Variants in RPS6KC1 observed in about 807,000 individuals in gnomAD.
RPS6KC1 encodes the protein inactive ribosomal protein S6 kinase delta-1.
RPS6KC1 carries 54 observed loss-of-function variants against 103.8 expected under a neutral mutation model. That is an observed-to-expected ratio of 0.52 (90% CI 0.42 to 0.65). The LOEUF is 0.65. Among genes scored for constraint, RPS6KC1 ranks in the 30% least tolerant of loss-of-function variants. RPS6KC1 has a pLI of 0.00. For missense variants in RPS6KC1, 1,151 were observed against 1,253.8 expected, an observed-to-expected ratio of 0.92 and a Z score of 1.24; for synonymous variants, 439 against 438.7, an observed-to-expected ratio of 1.00 and a Z score of -0.01.
At chr1:213,492,125 G>A in the RPS6KC1 span, among the ~76,000 whole-genome samples, 3 of 152,154 alleles carry the variant, frequency 2.0e-5, no homozygotes, top group South Asian at 2.1e-4. Context: ...ATAGGGGTTC[G>A]GCATGACACC....
At chr1:213,098,171 A>G (rs917000390) in intron 3 of RPS6KC1, among the ~76,000 whole-genome samples, 5 of 152,046 alleles carry the variant, frequency 3.3e-5, no homozygotes, top group Admixed American at 6.6e-5. Context: ...GCTGGAGTGT[A>G]GTGATGCGAT....
At chr1:213,723,994 G>A in the RPS6KC1 span, among the ~76,000 whole-genome samples, 7 of 152,234 alleles carry the variant, frequency 4.6e-5, no homozygotes, top group African/African-American at 1.7e-4. Context: ...GCAGGAATGA[G>A]TGAAATTGCC....
the RPS6KC1 span, among the ~76,000 whole-genome samples, chr1:213,445,386 T>C: frequency 2.6e-5 from 4 of 152,316 alleles, no homozygotes; most frequent in Middle Eastern, 0.01. Context: ...ACTTTATTTT[T>C]AAGAACCAGA....
At chr1:213,437,143 G>A in the RPS6KC1 span, among the ~76,000 whole-genome samples, 4 of 151,964 alleles carry the variant, frequency 2.6e-5, no homozygotes, top group East Asian at 3.8e-4. Context: ...ATAATTTTTC[G>A]AAGATCCCCT....
chr1:213,231,949 C>T (rs887097838), intron 9 of RPS6KC1, among the ~76,000 whole-genome samples, 174 bp from the exon 10 acceptor site: 11 of 152,190 alleles, frequency 7.2e-5, no homozygotes, highest in South Asian at 4.1e-4. Context: ...ACGCCAGATG[C>T]CATCAGCAGA....
At chr1:213,540,353 T>G in the RPS6KC1 span, among the ~76,000 whole-genome samples, 2 of 152,146 alleles carry the variant, frequency 1.3e-5, no homozygotes, top group Non-Finnish European at 2.9e-5. Context: ...ATTGATTGAT[T>G]GATTGATTGA....
At chr1:213,182,585 C>T (rs944099189) in intron 8 of RPS6KC1, among the ~76,000 whole-genome samples, 2 of 151,612 alleles carry the variant, frequency 1.3e-5, no homozygotes, top group Admixed American at 6.6e-5. Flanking sequence ...ACAGAGAGAA[C>T]AAACAGAACG....
intron 12 of RPS6KC1, among the ~76,000 whole-genome samples, chr1:213,255,051 A>G (rs987402878): frequency 1.3e-5 from 2 of 152,106 alleles, no homozygotes; most frequent in African/African-American, 4.8e-5. Context: ...CTGTAATTCC[A>G]GCATTTTGTG....
At chr1:213,291,102 A>C in the RPS6KC1 span, among the ~76,000 whole-genome samples, 46,290 of 152,118 alleles carry the variant, frequency 0.3, 7,204 homozygotes, top group Middle Eastern at 0.41. Flanking sequence ...TGGCTTAAAT[A>C]GCAACTCTGA....
the RPS6KC1 span, among the ~76,000 whole-genome samples, chr1:213,397,632 CTT>C: frequency 6.6e-6 from 1 of 150,452 alleles, no homozygotes; most frequent in South Asian, 2.1e-4. Context: ...CACACAGACA[CTT>C]TGAGTTAGGG....
chr1:213,693,749 T>C, the RPS6KC1 span, among the ~76,000 whole-genome samples: 1 of 152,344 alleles, frequency 6.6e-6, no homozygotes, highest in East Asian at 1.9e-4. Flanking sequence ...CTACGGAAAT[T>C]TAGTAGCCCA....
intron 1 of RPS6KC1, among the ~76,000 whole-genome samples, chr1:213,055,865 T>G (rs1044537536): frequency 1.3e-5 from 2 of 152,208 alleles, no homozygotes; most frequent in Non-Finnish European, 2.9e-5. Context: ...AGCAGTGCTT[T>G]GTAATTCTCA....
At position 213,105,152 on chromosome 1, in the gene RPS6KC1, T is replaced by C. The variant is rs150086298; in HGVS notation, c.378+583T>C. On this transcript the variant is annotated intron_variant, in intron 4 of 14. Coordinates refer to ENST00000366960, the MANE Select transcript of RPS6KC1 (RefSeq NM_012424.6). ...TTAGAGAGCAGGCCAGTGCAAATTA[T>C]ATTACTGGAGATCATTGGATATTAG... Among the ~76,000 whole-genome samples the C allele has an allele frequency of 3.0e-4, 46 of 151,828 alleles. 1 individual carries two copies. The East Asian group carries it at 8.9e-3, about 29-fold the overall frequency.
the RPS6KC1 span, among the ~76,000 whole-genome samples, chr1:213,446,849 T>G: frequency 6.6e-6 from 1 of 152,326 alleles, no homozygotes; most frequent in African/African-American, 2.4e-5. Context: ...CCTAGGTATT[T>G]GCCACTCGGA....
the RPS6KC1 span, among the ~76,000 whole-genome samples, chr1:213,504,271 T>C: frequency 6.6e-6 from 1 of 152,116 alleles, no homozygotes; most frequent in Non-Finnish European, 1.5e-5. Context: ...TCAAATAGAG[T>C]TTTGTTTTTC....
chr1:213,179,310 G>A (rs1018321908), intron 8 of RPS6KC1, among the ~76,000 whole-genome samples: 1 of 151,928 alleles, frequency 6.6e-6, no homozygotes, highest in Non-Finnish European at 1.5e-5. Context: ...AGCTACTCGG[G>A]AGGCTGAGGC....
the RPS6KC1 span, chr1:213,842,310 G>A: frequency 0.049 from 7,392 of 152,228 alleles, 242 homozygotes; most frequent in Non-Finnish European, 0.075. Context: ...ACATGATTTT[G>A]TAGGTTGAGT....
the RPS6KC1 span, among the ~76,000 whole-genome samples, chr1:213,504,442 T>C: frequency 0.15 from 23,322 of 152,204 alleles, 2,361 homozygotes; most frequent in Middle Eastern, 0.25. Flanking sequence ...AGATGTATTG[T>C]TCTCTATGTG....
At chr1:213,354,402 C>G in the RPS6KC1 span, among the ~76,000 whole-genome samples, 27 of 152,302 alleles carry the variant, frequency 1.8e-4, no homozygotes, top group African/African-American at 5.3e-4. Flanking sequence ...CACAACTGCT[C>G]ACCTGCCCTG....
Sources: gnomAD v4.1 joint callset for allele counts (sites outside exome capture counted in the v4.1 genomes callset) on GRCh38, gnomAD v4.1.1 for gene constraint, MANE v1.5 for transcripts, NCBI Gene and HGNC (gene_info 2026-07-23, HGNC 2026-07-21) for gene names.